The following PIP5K1C variants were observed in gnomAD, a reference collection of about 807,000 sequenced individuals.
The protein encoded by PIP5K1C is phosphatidylinositol-4-phosphate 5-kinase type 1 gamma.
In PIP5K1C, 45 loss-of-function variants were observed where a neutral mutation model predicts 80.1. That is an observed-to-expected ratio of 0.56 (90% confidence interval 0.44 to 0.72). PIP5K1C has a LOEUF of 0.72. PIP5K1C is among the 30% of genes least tolerant of loss of function. PIP5K1C has a pLI of 0.00. For synonymous variants in PIP5K1C, 498 were observed against 420.1 expected, an observed-to-expected ratio of 1.19 and a Z score of -2.27; for missense variants, 753 against 954.6, an observed-to-expected ratio of 0.79 and a Z score of 2.78.
chr19:3,687,920 G>C (rs1036076902), intron 1 of PIP5K1C, among the ~76,000 whole-genome samples: 66 of 152,212 alleles, frequency 4.3e-4, no homozygotes, highest in Non-Finnish European at 1.6e-4. Flanking sequence ...CTGAGGTGTT[G>C]GGTCGTTTCC....
chr19:3,639,120 G>A (rs1431593628), intron 15 of PIP5K1C, 104 bp from the exon 16 acceptor site: 24 of 1,376,756 alleles, frequency 1.7e-5, no homozygotes, highest in African/African-American at 2.8e-5. Context: ...GGTCATCACG[G>A]AGATGAAAAG....
At chr19:3,650,975 G>T (rs2034420550) in intron 8 of PIP5K1C, among the ~76,000 whole-genome samples, 2 of 150,710 alleles carry the variant, frequency 1.3e-5, no homozygotes, top group African/African-American at 4.9e-5. Context: ...AGGCTGGTCT[G>T]GAACTCCTGA....
In PIP5K1C at chr19:3,692,415, C is replaced by T. The variant is rs574116967; in HGVS notation, c.94+7882G>A. Among the ~76,000 whole-genome samples, 7 of 152,318 alleles carry T rather than the reference C, an allele frequency of 4.6e-5. No homozygotes were observed. In the South Asian group the frequency reaches 1.4e-3, roughly 32 times the overall value. ...CCCCGGCGGCCCCCATGCTGCCCTT[C>T]CTGCATCCATCTTGGCTGAGGGCAG... On this transcript the variant is annotated intron_variant, in intron 1 of 17. Transcript: ENST00000335312. The surrounding 1 kb of genome is among the most constrained non-coding windows in gnomAD (Gnocchi z 5.2).
intron 3 of PIP5K1C, among the ~76,000 whole-genome samples, chr19:3,664,016 G>A (rs1427040652): frequency 4.6e-5 from 7 of 152,308 alleles, no homozygotes; most frequent in East Asian, 3.9e-4. Flanking sequence ...GGCGCCCCAC[G>A]CACCAGAACA....
chr19:3,633,460 C>A lies in PIP5K1C; in HGVS notation c.1981G>T (p.Ala661Ser). The change falls in exon 17 of 18, where the codon GCC (alanine) becomes TCC (serine). Residue 661 changes from alanine to serine, a missense_variant. Physicochemically the swap from Ala to Ser is moderately conservative, Grantham distance 99. Around this residue, in one of 6 missense-constraint regions of PIP5K1C, gnomAD observed 315 missense variants for 294.5 expected, o/e 1.07. Transcript: ENST00000335312. Reference protein sequence around the residue: ...PLHYSAQAPPASDGESDT With the variant: ...PLHYSAQAPPSSDGESDT ...ACTGTGTCGCTCTCGCCGTCGGAGGCCGGGGGGGCCTGGGCGCTATAGTGG... is the reference window on the plus strand; with the variant it reads ...ACTGTGTCGCTCTCGCCGTCGGAGGACGGGGGGGCCTGGGCGCTATAGTGG... 1 of 1,503,034 alleles carries A rather than the reference C, an allele frequency of 6.7e-7. No individual in the cohort carries two copies. The highest frequency in any genetic ancestry group is 8.9e-7 in the Non-Finnish European group (1 of 1,123,576). 93.1% of individuals were successfully genotyped at this position (1,503,034 alleles called of 1,614,324 possible). A position where few individuals can be genotyped will look rare whatever the true frequency, so the allele number is the denominator to read the frequency against.
chr19:3,699,705 C>A (rs2036237033), intron 1 of PIP5K1C, among the ~76,000 whole-genome samples: 1 of 152,184 alleles, frequency 6.6e-6, no homozygotes, highest in South Asian at 2.1e-4. Context: ...CATGAGACAG[C>A]CGTGCCCCCC....
intron 1 of PIP5K1C, among the ~76,000 whole-genome samples, chr19:3,683,644 G>C (rs2035658240): frequency 1.3e-5 from 2 of 152,198 alleles, no homozygotes; most frequent in Admixed American, 1.3e-4. Flanking sequence ...TGTAGGGGTG[G>C]ACGCACCTGA....
Position 3,637,994 on chromosome 19 carries a change from C to A in PIP5K1C, c.1920+890G>T. On this transcript the variant is annotated intron_variant, in intron 16 of 17. Transcript: ENST00000335312. The surrounding 1 kb of genome is among the most constrained non-coding windows in gnomAD (Gnocchi z 7.0). Reference sequence around the variant, plus strand: ...CAGGGCCAGGTGGGTGCATGGGGACCCCAGAGGCGCCACTGGAGACAGAGC... The same window carrying A: ...CAGGGCCAGGTGGGTGCATGGGGACACCAGAGGCGCCACTGGAGACAGAGC... 6.6e-7 allele frequency: 1 copy of A among 1,521,888 alleles called. No homozygotes were observed. Among genetic ancestry groups the A allele is most frequent in the East Asian group, 2.4e-5 (1 of 40,826 alleles). The allele number at this position is 1,521,888 out of a possible 1,614,324, so 94.3% of individuals were successfully genotyped here.
At chr19:3,680,305 T>C (rs922727454) in intron 1 of PIP5K1C, among the ~76,000 whole-genome samples, 2 of 152,128 alleles carry the variant, frequency 1.3e-5, no homozygotes, top group African/African-American at 4.8e-5. Flanking sequence ...AATGCAACTG[T>C]CTTTTCTTTT....
chr19:3,632,459 G>A lies in PIP5K1C; in HGVS notation c.*708C>T, dbSNP rs2033497503. The A allele has an allele frequency of 6.6e-6, 1 of 152,454 alleles. No homozygotes were observed. Among genetic ancestry groups the A allele is most frequent in the East Asian group, 1.9e-4 (1 of 5,204 alleles). The allele number at this position is 152,454 out of a possible 1,614,324, so 9.4% of individuals were successfully genotyped here. On this transcript the variant is annotated 3_prime_UTR_variant, in exon 18 of 18. Transcript: ENST00000335312. ...GAAGAGGAGGCCTGGCCCTCCAGCT[G>A]TGGTGGGTCTGGATTGGAGGCGCCA...
rs78592501 is a variant in PIP5K1C, at chr19:3,680,195, C to T, written c.95-12842G>A. Among the ~76,000 whole-genome samples the T allele has an allele frequency of 2.8e-3, 425 of 152,328 alleles. 2 individuals are homozygous for T. Among genetic ancestry groups the T allele is most frequent in the African/African-American group, 9.9e-3 (410 of 41,572 alleles). ...GTGATTGTCTGTTGGCTCGTTCATC[C>T]GTTCATCCATCCATCCATCCATCCA... On this transcript the variant is annotated intron_variant, in intron 1 of 17. Coordinates refer to ENST00000335312, the MANE Select transcript of PIP5K1C (RefSeq NM_012398.3).
At chr19:3,636,668 CG>C in intron 16 of PIP5K1C, 1 of 985,606 alleles carries the variant, frequency 1.0e-6, no homozygotes, top group African/African-American at 1.7e-5. Context: ...CTAGAGCAGC[CG>C]GGGAAGTGGT....
chr19:3,674,736 C>T (rs1288902808), intron 1 of PIP5K1C, among the ~76,000 whole-genome samples: 3 of 152,218 alleles, frequency 2.0e-5, no homozygotes, highest in Non-Finnish European at 2.9e-5. Flanking sequence ...CTCTTGACCT[C>T]GTGATCTGCC....
intron 5 of PIP5K1C, among the ~76,000 whole-genome samples, chr19:3,657,921 C>A (rs2034692642): frequency 6.6e-6 from 1 of 152,064 alleles, no homozygotes; most frequent in South Asian, 2.1e-4. Context: ...GGCAACAGAG[C>A]AAGAGTGTTT....
chr19:3,674,526 C>G (rs2035301731), intron 1 of PIP5K1C, among the ~76,000 whole-genome samples: 1 of 147,602 alleles, frequency 6.8e-6, no homozygotes, highest in Non-Finnish European at 1.5e-5. Flanking sequence ...CTCCCGGGTT[C>G]AAGCGATTCT....
Position 3,662,007 on chromosome 19 carries a change from G to A in PIP5K1C, c.220-6C>T. 2 of 1,586,224 alleles carry A rather than the reference G, an allele frequency of 1.3e-6. No individual in the cohort carries two copies. The highest frequency in any genetic ancestry group is 1.7e-6 in the Non-Finnish European group (2 of 1,168,782). ...TTCAGGGTGGAGGAGGTGGTCTGCA[G>A]GGAGACCAGAGTGTCAGGGCCCCCG... On this transcript the variant is annotated splice_region_variant and splice_polypyrimidine_tract_variant and intron_variant, in intron 3 of 17. Coordinates refer to ENST00000335312, the MANE Select transcript of PIP5K1C (RefSeq NM_012398.3).
chr19:3,698,396 C>T (rs1199885958), intron 1 of PIP5K1C, among the ~76,000 whole-genome samples: 2 of 152,242 alleles, frequency 1.3e-5, no homozygotes, highest in African/African-American at 2.4e-5. Flanking sequence ...AACTCTGGGG[C>T]TCCCCCTTAA....
Position 3,665,018 on chromosome 19 carries a change from C to A in PIP5K1C, c.127-104G>T, listed in dbSNP as rs1452635169. ...AGAAAGGTTTAGTCGTTGGGCCCAG[C>A]AGGGGTGCACAGGGCAGGGGGCAGG... On this transcript the variant is annotated intron_variant, in intron 2 of 17. Coordinates refer to ENST00000335312, the MANE Select transcript of PIP5K1C (RefSeq NM_012398.3). The A allele has an allele frequency of 1.6e-5, 14 of 886,672 alleles. No individual in the cohort carries two copies. In the South Asian group the frequency reaches 1.6e-4, roughly 10 times the overall value. The allele number at this position is 886,672 out of a possible 1,614,324, so 54.9% of individuals were successfully genotyped here.
intron 1 of PIP5K1C, among the ~76,000 whole-genome samples, chr19:3,691,825 C>T (rs1396441833): frequency 6.6e-6 from 1 of 152,194 alleles, no homozygotes; most frequent in Admixed American, 6.5e-5. Flanking sequence ...GGAGCAAAAC[C>T]ACCAAAGCCC....
Sources: allele counts gnomAD v4.1 joint callset (sites outside exome capture counted in the v4.1 genomes callset), GRCh38; gene constraint gnomAD v4.1.1; regional missense constraint gnomAD v4.1.1; non-coding constraint Gnocchi (gnomAD v3.1); transcripts MANE v1.5; gene names NCBI Gene and HGNC (gene_info 2026-07-23, HGNC 2026-07-21).